The following HS2ST1 variants were observed in gnomAD, a reference collection of about 807,000 sequenced individuals.
The protein encoded by HS2ST1 is 2-O-sulfotransferase.
A neutral mutation model predicts 42.9 loss-of-function variants in HS2ST1; 18 were observed. That is an observed-to-expected ratio of 0.42 (90% CI 0.29 to 0.62). The LOEUF (loss-of-function observed/expected upper bound fraction) is 0.62. Ranked by LOEUF, HS2ST1 falls within the 20% of genes least tolerant of loss-of-function variation. The probability of loss-of-function intolerance (pLI) is 0.21; values close to 1 mark genes in which losing one functional copy is unlikely to be tolerated. For missense variants in HS2ST1, 334 were observed against 433.8 expected (o/e 0.77, Z 2.04); for synonymous variants, 146 against 152.9 (o/e 0.95, Z 0.33).
chr1:87,014,850 C>T (rs1649704052), intron 1 of HS2ST1, among the ~76,000 whole-genome samples: 1 of 152,178 alleles, frequency 6.6e-6, no homozygotes, highest in African/African-American at 2.4e-5. Flanking sequence ...TTTATCTTAT[C>T]CTCCTCACTT....
chr1:87,052,379 T>C (rs778046854), intron 1 of HS2ST1, among the ~76,000 whole-genome samples: 2 of 152,220 alleles, frequency 1.3e-5, no homozygotes, highest in African/African-American at 2.4e-5. Flanking sequence ...TTTCTTCATA[T>C]ATACGTGAAT....
chr1:87,086,383 T>C (rs1367308386), intron 3 of HS2ST1, among the ~76,000 whole-genome samples: 1 of 152,198 alleles, frequency 6.6e-6, no homozygotes, highest in Non-Finnish European at 1.5e-5. Context: ...CCTGCACAGT[T>C]CAGACTCGTG....
intron 1 of HS2ST1, among the ~76,000 whole-genome samples, chr1:86,929,484 C>T (rs967929644): frequency 9.9e-5 from 15 of 151,748 alleles, no homozygotes; most frequent in Non-Finnish European, 5.9e-5. Context: ...TATTTGTTTT[C>T]ATATAAATTC....
At chr1:87,076,061 G>A (rs1651536188) in intron 2 of HS2ST1, among the ~76,000 whole-genome samples, 1 of 152,098 alleles carries the variant, frequency 6.6e-6, no homozygotes, top group Non-Finnish European at 1.5e-5. Flanking sequence ...ACATCAATTT[G>A]TGGTGATCTC....
intron 1 of HS2ST1, among the ~76,000 whole-genome samples, chr1:86,929,487 A>G (rs1459264863): frequency 2.6e-5 from 4 of 151,846 alleles, no homozygotes; most frequent in Non-Finnish European, 4.4e-5. Flanking sequence ...TTGTTTTCAT[A>G]TAAATTCTAG....
chr1:86,947,418 A>G (rs1183238626), intron 1 of HS2ST1, among the ~76,000 whole-genome samples: 2 of 152,220 alleles, frequency 1.3e-5, no homozygotes, highest in African/African-American at 4.8e-5. Context: ...TTAATTCCAG[A>G]AAAATATCTG....
At chr1:87,076,505 A>G (rs1418653587) in intron 2 of HS2ST1, among the ~76,000 whole-genome samples, 1 of 152,194 alleles carries the variant, frequency 6.6e-6, no homozygotes, top group African/African-American at 2.4e-5. Flanking sequence ...GTAGTTTAGA[A>G]ATTTTTTTAA....
At chr1:86,936,072 G>C (rs1660647835) in intron 1 of HS2ST1, among the ~76,000 whole-genome samples, 1 of 138,534 alleles carries the variant, frequency 7.2e-6, no homozygotes, top group Non-Finnish European at 1.6e-5. Flanking sequence ...TTATTGCAAT[G>C]GCTTTCTACT....
At chr1:86,937,515 A>G (rs1036986896) in intron 1 of HS2ST1, among the ~76,000 whole-genome samples, 1 of 152,158 alleles carries the variant, frequency 6.6e-6, no homozygotes, top group African/African-American at 2.4e-5. Context: ...GTGACTTAAG[A>G]GTGAGTAAAT....
chr1:87,094,815 T>C (rs905623734), intron 4 of HS2ST1, among the ~76,000 whole-genome samples: 1 of 152,158 alleles, frequency 6.6e-6, no homozygotes, highest in Non-Finnish European at 1.5e-5. Flanking sequence ...TTTGTTTTTT[T>C]ATTTTTTAAC....
chr1:87,056,305 C>T (rs886523318), intron 1 of HS2ST1, among the ~76,000 whole-genome samples: 2 of 152,122 alleles, frequency 1.3e-5, no homozygotes, highest in Admixed American at 6.5e-5. Context: ...AAGCCCTTAC[C>T]AGAAGACAAC....
intron 1 of HS2ST1, among the ~76,000 whole-genome samples, chr1:87,041,011 C>G (rs1198316931): frequency 1.3e-5 from 2 of 152,028 alleles, no homozygotes; most frequent in African/African-American, 4.8e-5. Context: ...TCTCCTCTGT[C>G]TTAAAGATTA....
At chr1:87,091,908 CT>C (rs1651953896) in intron 3 of HS2ST1, among the ~76,000 whole-genome samples, 1 of 151,984 alleles carries the variant, frequency 6.6e-6, no homozygotes, top group Non-Finnish European at 1.5e-5. Context: ...TCTTTCACCT[CT>C]ATCTTGTCTT....
chr1:86,995,103 TTGAGA>T (rs1351362719), intron 1 of HS2ST1, among the ~76,000 whole-genome samples: 1 of 152,170 alleles, frequency 6.6e-6, no homozygotes, highest in African/African-American at 2.4e-5. Context: ...TCATTGCTCT[TTGAGA>T]TGAAAGAGTC....
chr1:86,914,962 C>G lies in HS2ST1; in HGVS notation c.-75C>G. 6.3e-7 allele frequency: 1 copy of G among 1,582,800 alleles called. No individual in the cohort carries two copies. Among genetic ancestry groups the G allele is most frequent in the Non-Finnish European group, 8.6e-7 (1 of 1,163,732 alleles). Reference sequence around the variant, plus strand: ...CTCGCTCCCGGCTCGGCGGGCTCCTCCCGGCGTCTCTCTCGCCTCCGGGGT... The same window carrying G: ...CTCGCTCCCGGCTCGGCGGGCTCCTGCCGGCGTCTCTCTCGCCTCCGGGGT... On this transcript the variant is annotated 5_prime_UTR_variant, in exon 1 of 7. Transcript: ENST00000370550.
intron 1 of HS2ST1, among the ~76,000 whole-genome samples, chr1:86,976,827 A>G (rs1648424325): frequency 6.7e-6 from 1 of 149,502 alleles, no homozygotes; most frequent in South Asian, 2.1e-4. Context: ...TACCAGCACT[A>G]TGGGAGGCCA....
chr1:87,002,654 G>A (rs10782590), intron 1 of HS2ST1, among the ~76,000 whole-genome samples: 111,526 of 150,922 alleles, frequency 0.74, 42,555 homozygotes, highest in East Asian at 0.97. Flanking sequence ...AAACCTCTGT[G>A]TCTCATTCAC....
At chr1:87,004,971 C>G (rs1245662130) in intron 1 of HS2ST1, among the ~76,000 whole-genome samples, 1 of 152,156 alleles carries the variant, frequency 6.6e-6, no homozygotes, top group Non-Finnish European at 1.5e-5. Flanking sequence ...ATTAATTGAA[C>G]AAAAAGTGCC....
In HS2ST1 at chr1:86,914,915, C is replaced by G; in HGVS notation, c.-122C>G. ...GAAGGGGGGTCGCTGCGGTGGTTCT[C>G]TCGCTGTCGCTCTCTCTTTGCCTCG... On this transcript the variant is annotated 5_prime_UTR_variant, in exon 1 of 7. Transcript: ENST00000370550. 1 of 1,263,990 alleles carries G rather than the reference C, an allele frequency of 7.9e-7. No homozygotes were observed. The highest frequency in any genetic ancestry group is 1.1e-6 in the Non-Finnish European group (1 of 900,928). The allele number at this position is 1,263,990 out of a possible 1,614,324, so 78.3% of individuals were successfully genotyped here. A position where few individuals can be genotyped will look rare whatever the true frequency, so the allele number is the denominator to read the frequency against.
Sources: allele counts gnomAD v4.1 joint callset (sites outside exome capture counted in the v4.1 genomes callset), GRCh38; gene constraint gnomAD v4.1.1; transcripts MANE v1.5; gene names NCBI Gene and HGNC (gene_info 2026-07-23, HGNC 2026-07-21).